DLGAP2: variants seen among roughly 807,000 people sequenced by gnomAD.
The protein encoded by DLGAP2 is DLG associated protein 2, also known as disks large-associated protein 2.
DLGAP2 carries 26 observed loss-of-function variants against 100.3 expected under a neutral mutation model. That is an observed-to-expected ratio of 0.26 (90% CI 0.19 to 0.36). The LOEUF is 0.36. DLGAP2 is among the 10% of genes least tolerant of loss of function. The pLI is 1.00. For missense variants in DLGAP2, 1,858 were observed against 1,453.2 expected (o/e 1.28, Z -4.53); for synonymous variants, 886 against 630.1 (o/e 1.41, Z -6.08).
chr8:1,342,722 G>A (rs1345272944), intron 3 of DLGAP2, among the ~76,000 whole-genome samples: 1 of 152,178 alleles, frequency 6.6e-6, no homozygotes, highest in African/African-American at 2.4e-5. Context: ...TGACTAAGCA[G>A]AACTTCAAAA....
intron 1 of DLGAP2, among the ~76,000 whole-genome samples, chr8:870,918 C>T (rs937447704): frequency 3.9e-5 from 6 of 152,324 alleles, no homozygotes; most frequent in South Asian, 2.1e-4. Context: ...TCTCTGTGAC[C>T]ATCCTGTGGT....
intron 3 of DLGAP2, among the ~76,000 whole-genome samples, chr8:1,305,004 A>G (rs77712259): frequency 0.021 from 3,187 of 152,324 alleles, 133 homozygotes; most frequent in African/African-American, 0.073. Flanking sequence ...ATAACTGTGC[A>G]GGAGGTATCA....
intron 1 of DLGAP2, among the ~76,000 whole-genome samples, chr8:771,346 A>G (rs1328577662): frequency 6.6e-6 from 1 of 152,214 alleles, no homozygotes; most frequent in Non-Finnish European, 1.5e-5. Context: ...CTTAGATTTA[A>G]ATACGTTTCA....
At chr8:1,142,966 G>A (rs1248242220) in intron 2 of DLGAP2, among the ~76,000 whole-genome samples, 1 of 151,642 alleles carries the variant, frequency 6.6e-6, no homozygotes, top group African/African-American at 2.4e-5. Context: ...GACTTTCCCA[G>A]GGAGAACTAC....
At chr8:1,258,985 A>G (rs1585201134) in intron 3 of DLGAP2, 102 bp downstream of exon 3, 11 of 987,488 alleles carry the variant, frequency 1.1e-5, no homozygotes, top group Non-Finnish European at 1.4e-5. Context: ...AGAACCTTGA[A>G]CATTGAGGAC....
intron 2 of DLGAP2, among the ~76,000 whole-genome samples, chr8:933,533 C>T (rs1363697503): frequency 2.2e-3 from 254 of 113,954 alleles, no homozygotes; most frequent in African/African-American, 8.8e-3. Context: ...GACACCTGGC[C>T]GTGGGCATGA....
At chr8:1,679,924 G>A (rs938611259) in intron 12 of DLGAP2, among the ~76,000 whole-genome samples, 8 of 137,124 alleles carry the variant, frequency 5.8e-5, no homozygotes, top group Non-Finnish European at 1.5e-5. Flanking sequence ...AGGTTGCAGT[G>A]AGTCAAGATC....
chr8:987,032 C>A (rs1226909351), intron 2 of DLGAP2, among the ~76,000 whole-genome samples: 1 of 152,194 alleles, frequency 6.6e-6, no homozygotes, highest in Non-Finnish European at 1.5e-5. Flanking sequence ...AATCATGGAG[C>A]AAATCCCTGG....
intron 2 of DLGAP2, among the ~76,000 whole-genome samples, chr8:956,491 G>T (rs1034395046): frequency 2.6e-5 from 4 of 152,164 alleles, no homozygotes; most frequent in African/African-American, 9.7e-5. Context: ...CTGTCCACCC[G>T]CTGGTTCCTG....
chr8:1,094,933 C>T (rs1437715516), intron 2 of DLGAP2, among the ~76,000 whole-genome samples: 2 of 152,214 alleles, frequency 1.3e-5, no homozygotes, highest in African/African-American at 4.8e-5. Context: ...TAAGTGGACA[C>T]AGGGAGAAAC....
chr8:1,438,971 G>A (rs946271629), intron 3 of DLGAP2, among the ~76,000 whole-genome samples: 2 of 152,108 alleles, frequency 1.3e-5, no homozygotes, highest in Admixed American at 6.5e-5. Flanking sequence ...AATAAGATTG[G>A]CCACTTTATA....
chr8:1,588,458 G>A (rs1044603703), intron 6 of DLGAP2, among the ~76,000 whole-genome samples: 2 of 152,136 alleles, frequency 1.3e-5, no homozygotes, highest in African/African-American at 4.8e-5. Flanking sequence ...AAGACAATGT[G>A]TTCTATGAGT....
At chr8:769,288 G>T (rs902464981) in intron 1 of DLGAP2, among the ~76,000 whole-genome samples, 5 of 152,046 alleles carry the variant, frequency 3.3e-5, no homozygotes, top group Non-Finnish European at 5.9e-5. Context: ...AAGAAGTATT[G>T]TTCTCTTGAG....
intron 2 of DLGAP2, among the ~76,000 whole-genome samples, chr8:1,104,422 G>T (rs537005238): frequency 1.3e-5 from 2 of 152,196 alleles, no homozygotes; most frequent in Non-Finnish European, 2.9e-5. Context: ...GTCATGTTAC[G>T]GAAATCCCTT....
intron 6 of DLGAP2, among the ~76,000 whole-genome samples, chr8:1,598,544 T>G (rs1796528833): frequency 6.6e-6 from 1 of 152,154 alleles, no homozygotes; most frequent in African/African-American, 2.4e-5. Flanking sequence ...ATTTCAGAAC[T>G]TGTTATTGGT....
chr8:853,313 G>C (rs762959563), intron 1 of DLGAP2, among the ~76,000 whole-genome samples: 3 of 152,198 alleles, frequency 2.0e-5, no homozygotes, highest in Non-Finnish European at 4.4e-5. Context: ...GTCCCAGGAG[G>C]GGCTTGGTTC....
intron 2 of DLGAP2, among the ~76,000 whole-genome samples, chr8:1,058,158 C>T (rs547935642): frequency 2.0e-5 from 3 of 151,472 alleles, no homozygotes; most frequent in African/African-American, 7.3e-5. Context: ...TGACTAGCGG[C>T]GGGTCTGGGG....
intron 1 of DLGAP2, among the ~76,000 whole-genome samples, chr8:827,864 G>T (rs1054527271): frequency 6.6e-6 from 1 of 152,092 alleles, no homozygotes; most frequent in East Asian, 1.9e-4. Context: ...TTTCCTAAGC[G>T]TCGGCTGGCT....
chr8:1,348,820 G>A (rs1028666956), intron 3 of DLGAP2, among the ~76,000 whole-genome samples: 1 of 152,220 alleles, frequency 6.6e-6, no homozygotes. Context: ...TTCAGCACCA[G>A]CCAGTATCAG....
Sources: allele counts gnomAD v4.1 joint callset (sites outside exome capture counted in the v4.1 genomes callset), GRCh38; gene constraint gnomAD v4.1.1; transcripts MANE v1.5; gene names NCBI Gene and HGNC (gene_info 2026-07-23, HGNC 2026-07-21).